The following NCAM2 variants were observed in gnomAD, a reference collection of about 807,000 sequenced individuals.
NCAM2 encodes the protein neural cell adhesion molecule 2.
NCAM2 carries 30 observed loss-of-function variants against 98.1 expected under a neutral mutation model. The observed-to-expected ratio is 0.31, with a 90% CI of 0.23 to 0.41. The LOEUF is 0.41. NCAM2 is among the 10% of genes least tolerant of loss of function. NCAM2 has a pLI of 1.00. For synonymous variants in NCAM2, 368 were observed against 342.4 expected (o/e 1.07, Z -0.83); for missense variants, 867 against 1,005.8 (o/e 0.86, Z 1.87).
chr21:21,479,648 G>A (rs1033092163), intron 15 of NCAM2, among the ~76,000 whole-genome samples: 1 of 146,410 alleles, frequency 6.8e-6, no homozygotes, highest in African/African-American at 2.5e-5. Flanking sequence ...TAGACAAAAG[G>A]TTGAAAAAAT....
chr21:21,295,730 C>T (rs905488311), intron 5 of NCAM2, among the ~76,000 whole-genome samples: 1 of 151,844 alleles, frequency 6.6e-6, no homozygotes, highest in African/African-American at 2.4e-5. Flanking sequence ...GACAACATAA[C>T]ATGAGTACAA....
At chr21:21,184,480 A>G (rs527854443) in intron 1 of NCAM2, among the ~76,000 whole-genome samples, 32 of 152,212 alleles carry the variant, frequency 2.1e-4, no homozygotes, top group African/African-American at 7.7e-4. Flanking sequence ...GGGATCCTTT[A>G]AAATCTGATG....
chr21:21,455,232 A>AAG (rs1981959540), intron 12 of NCAM2, among the ~76,000 whole-genome samples: 1 of 147,386 alleles, frequency 6.8e-6, no homozygotes, highest in Non-Finnish European at 1.5e-5. Context: ...AAAAAAAAAA[A>AAG]GTTTAATTTG....
intron 5 of NCAM2, among the ~76,000 whole-genome samples, chr21:21,320,117 G>A (rs1218622016): frequency 2.0e-5 from 3 of 152,020 alleles, no homozygotes; most frequent in Admixed American, 6.6e-5. Context: ...GTTAGGTCAC[G>A]GCTTTACTAT....
At chr21:21,143,648 A>G (rs2067213350) in intron 1 of NCAM2, among the ~76,000 whole-genome samples, 1 of 151,940 alleles carries the variant, frequency 6.6e-6, no homozygotes. Flanking sequence ...GTATCTTTTT[A>G]TTTAAGTATT....
intron 1 of NCAM2, among the ~76,000 whole-genome samples, chr21:21,067,137 T>C (rs2065458061): frequency 1.3e-5 from 2 of 151,338 alleles, no homozygotes; most frequent in East Asian, 3.9e-4. Context: ...ATATTTATTA[T>C]AAAATTATAT....
chr21:21,503,809 C>G (rs946244696), intron 15 of NCAM2, among the ~76,000 whole-genome samples: 26 of 151,868 alleles, frequency 1.7e-4, no homozygotes, highest in African/African-American at 6.3e-4. Flanking sequence ...AACTGATTCT[C>G]ACAGTTGCTT....
chr21:21,252,044 A>G (rs975752497), intron 1 of NCAM2, among the ~76,000 whole-genome samples: 7 of 152,114 alleles, frequency 4.6e-5, no homozygotes, highest in African/African-American at 1.4e-4. Flanking sequence ...TTCAAAGGAT[A>G]TGAACAGACC....
At chr21:21,489,005 T>A (rs1986627822) in intron 15 of NCAM2, among the ~76,000 whole-genome samples, 1 of 152,130 alleles carries the variant, frequency 6.6e-6, no homozygotes, top group African/African-American at 2.4e-5. Flanking sequence ...TTTTTTATTT[T>A]CTTGAGACAG....
chr21:21,081,671 C>T (rs4131316), intron 1 of NCAM2, among the ~76,000 whole-genome samples: 93,136 of 151,464 alleles, frequency 0.61, 31,422 homozygotes, highest in Non-Finnish European at 0.76. Context: ...CGTGGCGGTG[C>T]GTGCCTGTAA....
chr21:21,073,831 G>A (rs1200840534), intron 1 of NCAM2, among the ~76,000 whole-genome samples: 1 of 152,130 alleles, frequency 6.6e-6, no homozygotes, highest in African/African-American at 2.4e-5. Flanking sequence ...TCTAATATAT[G>A]CTCGTTTCCA....
At chr21:21,291,280 A>G (rs2073283312) in intron 4 of NCAM2, among the ~76,000 whole-genome samples, 1 of 151,924 alleles carries the variant, frequency 6.6e-6, no homozygotes, top group Non-Finnish European at 1.5e-5. Flanking sequence ...GACTATATGT[A>G]AAAGCATTCT....
At chr21:21,120,398 T>A (rs973155596) in intron 1 of NCAM2, among the ~76,000 whole-genome samples, 20 of 152,132 alleles carry the variant, frequency 1.3e-4, no homozygotes, top group Non-Finnish European at 2.4e-4. Flanking sequence ...AATGTTAATT[T>A]TGGGATAGGA....
intron 9 of NCAM2, among the ~76,000 whole-genome samples, chr21:21,374,442 G>A (rs1363264591): frequency 2.0e-5 from 3 of 151,792 alleles, no homozygotes; most frequent in East Asian, 1.9e-4. Flanking sequence ...ACTATAAAGA[G>A]TATTTTAAAT....
intron 1 of NCAM2, among the ~76,000 whole-genome samples, chr21:21,278,564 C>A (rs1381933925): frequency 6.6e-6 from 1 of 152,020 alleles, no homozygotes; most frequent in Non-Finnish European, 1.5e-5. Context: ...ATTTTTCTTT[C>A]TGAAACGTTA....
intron 1 of NCAM2, among the ~76,000 whole-genome samples, chr21:21,265,500 T>TATG (rs2072228949): frequency 7.0e-6 from 1 of 143,854 alleles, no homozygotes; most frequent in South Asian, 2.1e-4. Context: ...ATATATAATA[T>TATG]ATGTGTGTAT....
intron 5 of NCAM2, among the ~76,000 whole-genome samples, chr21:21,300,596 A>T (rs551953785): frequency 2.0e-5 from 3 of 152,090 alleles, no homozygotes; most frequent in Non-Finnish European, 4.4e-5. Context: ...GTGTGACATT[A>T]TCTCACAGAT....
chr21:21,433,659 C>T (rs1169697568), intron 12 of NCAM2, among the ~76,000 whole-genome samples: 4 of 151,226 alleles, frequency 2.6e-5, no homozygotes, highest in African/African-American at 7.3e-5. Flanking sequence ...AGGAGAATGG[C>T]GTGAACCTGG....
At chr21:21,403,271 C>T (rs1325793836) in intron 9 of NCAM2, among the ~76,000 whole-genome samples, 4 of 151,658 alleles carry the variant, frequency 2.6e-5, no homozygotes, top group Non-Finnish European at 5.9e-5. Context: ...TAATGTTCTT[C>T]TGGGAATCTT....
Sources: gnomAD v4.1 joint callset for allele counts (sites outside exome capture counted in the v4.1 genomes callset) on GRCh38, gnomAD v4.1.1 for gene constraint, MANE v1.5 for transcripts, NCBI Gene and HGNC (gene_info 2026-07-23, HGNC 2026-07-21) for gene names.